The following MTMR8 variants were observed in gnomAD, a reference collection of about 807,000 sequenced individuals.
MTMR8 encodes phosphatidylinositol-3,5-bisphosphate 3-phosphatase MTMR8.
Under a neutral mutation model 39.3 loss-of-function variants are expected in MTMR8, and 65 were observed. That is an observed-to-expected ratio of 1.65 (90% confidence interval 1.35 to 2.03). The LOEUF (loss-of-function observed/expected upper bound fraction) is 2.03, where lower values mean the gene tolerates loss of function less well. MTMR8 is among the 30% of genes most tolerant of loss of function. The pLI, the probability that MTMR8 is intolerant of heterozygous loss-of-function variation, is 0.00. For missense variants in MTMR8, 777 were observed against 538.9 expected (o/e 1.44, Z -4.37); for synonymous variants, 245 against 185.2 (o/e 1.32, Z -2.62).
intron 12 of MTMR8, chrX:64,305,759 A>T: frequency 2.3e-6 from 1 of 428,647 alleles, no homozygotes; most frequent in Non-Finnish European, 4.4e-6. Context: ...GAACACAAAG[A>T]GCTGAAAGCA....
chrX:64,320,819 G>T (rs1217438925), intron 12 of MTMR8, among the ~76,000 whole-genome samples: 1 of 111,537 alleles, frequency 9.0e-6, no homozygotes, highest in South Asian at 3.7e-4. Context: ...TACAGAAGCA[G>T]GACATGGCTA....
intron 12 of MTMR8, among the ~76,000 whole-genome samples, chrX:64,279,245 G>A (rs762993324): frequency 2.7e-5 from 3 of 111,985 alleles, no homozygotes; most frequent in African/African-American, 6.5e-5. Context: ...AACTCATTTC[G>A]TGTTAGCCAG....
intron 12 of MTMR8, among the ~76,000 whole-genome samples, chrX:64,314,545 G>A (rs1488079831): frequency 2.7e-5 from 3 of 113,151 alleles, no homozygotes; most frequent in Non-Finnish European, 5.6e-5. Context: ...TTCACTTGCA[G>A]GGGCGGAACT....
intron 7 of MTMR8, 112 bp downstream of exon 7, chrX:64,344,933 G>A: frequency 2.5e-6 from 2 of 792,038 alleles, no homozygotes; most frequent in Non-Finnish European, 3.6e-6. Flanking sequence ...ACCACTTATT[G>A]ACTCTGCTCA....
At chrX:64,308,230 T>A (rs1922184502) in intron 12 of MTMR8, among the ~76,000 whole-genome samples, 1 of 110,568 alleles carries the variant, frequency 9.0e-6, no homozygotes, top group Admixed American at 9.6e-5. Flanking sequence ...TTTTTTTTAT[T>A]ATTATTTTTT....
intron 1 of MTMR8, among the ~76,000 whole-genome samples, chrX:64,384,320 G>A (rs921269006): frequency 9.0e-6 from 1 of 111,063 alleles, no homozygotes; most frequent in Non-Finnish European, 1.9e-5. Context: ...TCAGGTGCAG[G>A]GTGCAAACTA....
chrX:64,285,836 G>A (rs1196540460), intron 12 of MTMR8, among the ~76,000 whole-genome samples: 1 of 110,633 alleles, frequency 9.0e-6, no homozygotes, highest in Non-Finnish European at 1.9e-5. Flanking sequence ...GTGTGTAGAG[G>A]GAAATTTATA....
chrX:64,297,053 G>C (rs1281383440), intron 12 of MTMR8, among the ~76,000 whole-genome samples: 1 of 96,096 alleles, frequency 1.0e-5, no homozygotes, highest in African/African-American at 3.9e-5. Context: ...GTGTGCATGT[G>C]TCTTTATAGC....
intron 1 of MTMR8, among the ~76,000 whole-genome samples, chrX:64,391,028 A>G (rs1924678239): frequency 8.9e-6 from 1 of 112,089 alleles, no homozygotes; most frequent in Non-Finnish European, 1.9e-5. Flanking sequence ...CATCATCACA[A>G]TGTAATTTTA....
intron 12 of MTMR8, chrX:64,305,955 CA>C (rs1050774622): frequency 1.0e-5 from 2 of 198,702 alleles, no homozygotes; most frequent in African/African-American, 6.0e-5. Context: ...TCTCTACAAA[CA>C]ATTTAAACAT....
intron 11 of MTMR8, among the ~76,000 whole-genome samples, chrX:64,329,220 T>C (rs1055735356): frequency 9.0e-6 from 1 of 111,607 alleles, no homozygotes; most frequent in African/African-American, 3.3e-5. Flanking sequence ...TCTGGGCCTA[T>C]TTCCTCACCG....
In MTMR8 at chrX:64,386,163, G is replaced by T. The variant is rs375119134; in HGVS notation, c.24+9177C>A. 3.6e-5 allele frequency among the ~76,000 whole-genome samples: 4 copies of T among 111,490 alleles called. No individual in the cohort carries two copies. In the South Asian group the frequency reaches 1.5e-3, roughly 42 times the overall value. On this transcript the variant is annotated intron_variant, in intron 1 of 13. Transcript: ENST00000374852. The stretch of plus-strand genomic sequence containing the variant: ...TATTTTTATTCTATTCTGTTTTCCG[G>T]TTCCCACCTTACAAAATACACTGTT...
At chrX:64,284,554 A>G (rs1921080983) in intron 12 of MTMR8, among the ~76,000 whole-genome samples, 1 of 111,864 alleles carries the variant, frequency 8.9e-6, no homozygotes, top group Non-Finnish European at 1.9e-5. Context: ...GAAGGAAAAA[A>G]TGTTAAGGGC....
chrX:64,373,751 G>C (rs1002560583), intron 1 of MTMR8, among the ~76,000 whole-genome samples: 1 of 111,129 alleles, frequency 9.0e-6, no homozygotes, highest in South Asian at 3.8e-4. Context: ...ATGGAGGCTA[G>C]GGGAAGATGC....
intron 1 of MTMR8, among the ~76,000 whole-genome samples, chrX:64,364,833 G>A (rs1252451615): frequency 6.3e-5 from 7 of 111,372 alleles, no homozygotes; most frequent in African/African-American, 1.6e-4. Flanking sequence ...AAGGATGTTC[G>A]AACCCATCGC....
intron 12 of MTMR8, among the ~76,000 whole-genome samples, chrX:64,296,343 C>A (rs1208462823): frequency 9.0e-6 from 1 of 111,105 alleles, no homozygotes; most frequent in Non-Finnish European, 1.9e-5. Flanking sequence ...TTTTGTTATG[C>A]TATGGAGTTT....
At position 64,343,766 on chromosome X, in the gene MTMR8, G is replaced by A. The variant is rs778786833; in HGVS notation, c.866-46C>T. On this transcript the variant is annotated intron_variant, in intron 7 of 13. Coordinates refer to ENST00000374852, the MANE Select transcript of MTMR8 (RefSeq NM_017677.4). The stretch of plus-strand genomic sequence containing the variant: ...GAGATTGAAATTCACAATCAACTCA[G>A]TTTATTCATTAAGGGGAGAAAGTGG... 25 of 912,517 alleles carry A rather than the reference G, an allele frequency of 2.7e-5. 1 individual carries two copies. The Admixed American group carries it at 6.2e-4, about 23-fold the overall frequency. 75.2% of individuals were successfully genotyped at this position (912,517 alleles called of 1,213,427 possible).
intron 12 of MTMR8, among the ~76,000 whole-genome samples, chrX:64,278,527 G>A (rs7053908): frequency 0.23 from 18,291 of 80,414 alleles, 6,371 homozygotes; most frequent in African/African-American, 0.81. Context: ...AGGCTGGAGT[G>A]CAATGGTGAG....
Position 64,336,090 on chromosome X carries a change from C to T in MTMR8, c.1140G>A (p.Lys380=), listed in dbSNP as rs764989210. 12 of 1,194,739 alleles carry T rather than the reference C, an allele frequency of 1.0e-5. No homozygotes were observed. Among genetic ancestry groups the T allele is most frequent in the Non-Finnish European group, 1.4e-5 (12 of 886,008 alleles). The change falls in exon 10 of 14, where the codon AAG becomes AAA. Residue 380 remains lysine, a synonymous_variant. Transcript: ENST00000374852. ...IEKEWISMGH[K]FSQRCGHLDG... ...GAGTATATTTTTACCTTTGGGAAAA[C>T]TTGTGGCCCATGGATATCCATTCCT...
Sources: gnomAD v4.1 joint callset for allele counts (sites outside exome capture counted in the v4.1 genomes callset) on GRCh38, gnomAD v4.1.1 for gene constraint, MANE v1.5 for transcripts, NCBI Gene and HGNC (gene_info 2026-07-23, HGNC 2026-07-21) for gene names.